Variants in KDM2B observed in about 807,000 individuals in gnomAD.
KDM2B encodes lysine demethylase 2B.
In KDM2B, 26 loss-of-function variants were observed where a neutral mutation model predicts 150.0. The ratio of observed to expected loss-of-function variants is 0.17; its 90% CI spans 0.13 to 0.24. The LOEUF (loss-of-function observed/expected upper bound fraction) is 0.24, where lower values mean the gene tolerates loss of function less well. KDM2B is among the 10% of genes least tolerant of loss of function. KDM2B has a pLI of 1.00. For missense variants in KDM2B, 1,265 were observed against 1,816.9 expected (o/e 0.70, Z 5.52); for synonymous variants, 734 against 729.5 (o/e 1.01, Z -0.10).
In KDM2B at chr12:121,524,629, TAAG is replaced by T. The variant is rs1471875428; in HGVS notation, c.932-3532_932-3530del. On this transcript the variant is annotated intron_variant, in intron 8 of 22. Coordinates refer to ENST00000377071, the MANE Select transcript of KDM2B (RefSeq NM_032590.5). ...TTCATTACCCACATGCCTCCCTCAG[TAAG>T]AAGGAGGTGTGGAAATAACAGCGTT... 1.4e-5 allele frequency: 6 copies of T among 431,858 alleles called. No homozygotes were observed. In the Admixed American group the frequency reaches 1.5e-4, roughly 11 times the overall value. 26.8% of individuals were successfully genotyped at this position (431,858 alleles called of 1,614,324 possible).
chr12:121,423,838 G>A, the KDM2B span: 5 of 405,912 alleles, frequency 1.2e-5, no homozygotes, highest in East Asian at 4.4e-5. This position sits in a 1 kb window ranked among gnomAD's most constrained non-coding sequence, Gnocchi z 4.3. Flanking sequence ...AAGTCAGCCT[G>A]TTTGCGCCAT....
chr12:121,457,284 T>TA (rs1555292983), intron 12 of KDM2B, among the ~76,000 whole-genome samples: 1 of 151,962 alleles, frequency 6.6e-6, no homozygotes, highest in African/African-American at 2.4e-5. Flanking sequence ...TTTTTTGAGA[T>TA]AGAGTCTCAC....
rs1358631555 is a variant in KDM2B, at chr12:121,536,106, G to A, written c.684-1516C>T. On this transcript the variant is annotated intron_variant, in intron 6 of 22. Coordinates refer to ENST00000377071, the MANE Select transcript of KDM2B (RefSeq NM_032590.5). ...GGACGGACAGGGAGGAGCCAGCAGC[G>A]CGCCGGCACGAGTGGAGATAATGCG... The A allele has an allele frequency of 1.0e-5, 10 of 984,738 alleles. No homozygotes were observed. In the African/African-American group the frequency reaches 1.8e-4, roughly 17 times the overall value. 61.0% of individuals were successfully genotyped at this position (984,738 alleles called of 1,614,324 possible).
At chr12:121,546,072 G>A (rs1190028597) in intron 6 of KDM2B, among the ~76,000 whole-genome samples, 2 of 152,132 alleles carry the variant, frequency 1.3e-5, no homozygotes, top group African/African-American at 4.8e-5. Flanking sequence ...CATCGCAGCT[G>A]CAAGTTCCCA....
Position 121,549,407 on chromosome 12 carries a change from GA to G in KDM2B, c.576+52del. On this transcript the variant is annotated intron_variant, in intron 5 of 22. Coordinates refer to ENST00000377071, the MANE Select transcript of KDM2B (RefSeq NM_032590.5). The surrounding 1 kb of genome is among the most constrained non-coding windows in gnomAD (Gnocchi z 4.4). ...ACAACCCAGGTGGCAGGGGGACAGG[GA>G]AGGAGATGAGGTGGAAGGTATCTGG... 6.7e-7 allele frequency: 1 copy of G among 1,489,830 alleles called. No homozygotes were observed. The highest frequency in any genetic ancestry group is 9.1e-7 in the Non-Finnish European group (1 of 1,099,496). The allele number at this position is 1,489,830 out of a possible 1,614,324, so 92.3% of individuals were successfully genotyped here. A position where few individuals can be genotyped will look rare whatever the true frequency, so the allele number is the denominator to read the frequency against.
chr12:121,561,247 G>A (rs374276787), intron 4 of KDM2B, among the ~76,000 whole-genome samples: 6 of 152,244 alleles, frequency 3.9e-5, no homozygotes, highest in East Asian at 3.9e-4. Context: ...ATACACGGGC[G>A]CGACCCCAAA....
intron 12 of KDM2B, among the ~76,000 whole-genome samples, chr12:121,457,516 C>A (rs1555293021): frequency 1.3e-5 from 2 of 152,032 alleles, no homozygotes; most frequent in African/African-American, 4.8e-5. Flanking sequence ...CCCGCCTCAG[C>A]CTCCTGAAGT....
At chr12:121,483,205 G>A (rs1882351305) in intron 12 of KDM2B, among the ~76,000 whole-genome samples, 1 of 151,120 alleles carries the variant, frequency 6.6e-6, no homozygotes, top group Admixed American at 6.6e-5. Flanking sequence ...GCTCCATGCA[G>A]TGAACCGAGA....
intron 11 of KDM2B, among the ~76,000 whole-genome samples, chr12:121,500,810 A>G (rs1593964243): frequency 6.6e-6 from 1 of 152,194 alleles, no homozygotes; most frequent in Admixed American, 6.5e-5. Flanking sequence ...CCCAAAAAAT[A>G]TGTGTTCAGG....
In KDM2B at chr12:121,553,479, G is replaced by A. The variant is rs138397095; in HGVS notation, c.398-3841C>T. 3.1e-3 allele frequency among the ~76,000 whole-genome samples: 475 copies of A among 152,296 alleles called. 6 individuals carry two copies. Among genetic ancestry groups the A allele is most frequent in the African/African-American group, 0.011 (462 of 41,558 alleles). On this transcript the variant is annotated intron_variant, in intron 4 of 22. Transcript: ENST00000377071. ...CCTACCCACACACTGTTAAAATTTA[G>A]AGGGTTCGGTTCCCAGCGGAGCCTC...
chr12:121,430,912 C>T lies in KDM2B; in HGVS notation c.3830-443G>A, dbSNP rs1872891694. Among the ~76,000 whole-genome samples, 1 of 152,146 alleles carries T rather than the reference C, an allele frequency of 6.6e-6. No homozygotes were observed. Among genetic ancestry groups the T allele is most frequent in the Non-Finnish European group, 1.5e-5 (1 of 68,032 alleles). ...CCCTTCAGATAAATTCCCAGAGGGG[C>T]ATTGCTGGGTCACAGAAAGAACATC... On this transcript the variant is annotated intron_variant, in intron 22 of 22. Transcript: ENST00000377071. The surrounding 1 kb of genome is among the most constrained non-coding windows in gnomAD (Gnocchi z 4.4).
chr12:121,504,719 G>T (rs955486715), intron 11 of KDM2B, among the ~76,000 whole-genome samples: 1 of 152,178 alleles, frequency 6.6e-6, no homozygotes, highest in Non-Finnish European at 1.5e-5. Context: ...GTGAATTGTT[G>T]GCCGGGGCGG....
Position 121,533,667 on chromosome 12 carries a change from C to T in KDM2B, c.778-708G>A, listed in dbSNP as rs1887846350. Among the ~76,000 whole-genome samples the T allele has an allele frequency of 6.6e-6, 1 of 152,320 alleles. No individual in the cohort carries two copies. The highest frequency in any genetic ancestry group is 2.4e-5 in the African/African-American group (1 of 41,578). ...ACAGCCAGAGAAGATGAATGCTGGACGTTCTCGAGCCAAACCCAAGCTTCA... is the reference window on the plus strand; with the variant it reads ...ACAGCCAGAGAAGATGAATGCTGGATGTTCTCGAGCCAAACCCAAGCTTCA... On this transcript the variant is annotated intron_variant, in intron 7 of 22. Transcript: ENST00000377071. The surrounding 1 kb of genome is among the most constrained non-coding windows in gnomAD (Gnocchi z 4.1).
intron 12 of KDM2B, among the ~76,000 whole-genome samples, chr12:121,466,635 C>T (rs1159753631): frequency 4.0e-5 from 6 of 151,060 alleles, no homozygotes; most frequent in Non-Finnish European, 7.4e-5. Flanking sequence ...CGCGCGGCGC[C>T]CAGACAAAAG....
At position 121,549,669 on chromosome 12, in the gene KDM2B, C is replaced by T. The variant is rs1555311433; in HGVS notation, c.398-31G>A. ...GGCAGAAGCCACACACTGGTTGTTC[C>T]TGCCGGCTTAAGGCTCCAGATCCTA... is the stretch of plus-strand genomic sequence containing the variant. On this transcript the variant is annotated intron_variant, in intron 4 of 22. Transcript: ENST00000377071. This position sits in a 1 kb window ranked among gnomAD's most constrained non-coding sequence, Gnocchi z 4.4. 1 of 1,529,694 alleles carries T rather than the reference C, an allele frequency of 6.5e-7. No homozygotes were observed. Among genetic ancestry groups the T allele is most frequent in the South Asian group, 1.3e-5 (1 of 79,358 alleles). 94.8% of individuals were successfully genotyped at this position (1,529,694 alleles called of 1,614,324 possible).
At chr12:121,511,417 C>G (rs539373982) in intron 10 of KDM2B, among the ~76,000 whole-genome samples, 30 of 151,586 alleles carry the variant, frequency 2.0e-4, no homozygotes, top group African/African-American at 6.5e-4. Context: ...CTCCCGAGTA[C>G]CTGGGATTAC....
chr12:121,539,944 T>C (rs1315023318), intron 6 of KDM2B, among the ~76,000 whole-genome samples: 1 of 152,120 alleles, frequency 6.6e-6, no homozygotes, highest in East Asian at 1.9e-4. Context: ...TTTGCTGTAT[T>C]GGCTAGGCTG....
chr12:121,412,376 A>C, the KDM2B span, among the ~76,000 whole-genome samples: 2 of 150,940 alleles, frequency 1.3e-5, no homozygotes, highest in East Asian at 3.9e-4. Context: ...AGTAGCTGGG[A>C]CTACAGGTGC....
intron 22 of KDM2B, among the ~76,000 whole-genome samples, chr12:121,437,172 G>A (rs533273944): frequency 6.6e-6 from 1 of 152,256 alleles, no homozygotes; most frequent in South Asian, 2.1e-4. Flanking sequence ...GAAGTCAGGA[G>A]GCAGCTCTCG....
Sources: allele counts gnomAD v4.1 joint callset (sites outside exome capture counted in the v4.1 genomes callset), GRCh38; gene constraint gnomAD v4.1.1; non-coding constraint Gnocchi (gnomAD v3.1); transcripts MANE v1.5; gene names NCBI Gene and HGNC (gene_info 2026-07-23, HGNC 2026-07-21).